The following LIN9 variants were observed in gnomAD, a reference collection of about 807,000 sequenced individuals.
The protein encoded by LIN9 is protein lin-9 homolog.
LIN9 carries 18 observed loss-of-function variants against 78.0 expected under a neutral mutation model. That is an observed-to-expected ratio of 0.23 (90% CI 0.16 to 0.34). The LOEUF (loss-of-function observed/expected upper bound fraction) is 0.34, where lower values mean the gene tolerates loss of function less well. LIN9 is among the 10% of genes least tolerant of loss of function. The pLI is 1.00. For missense variants in LIN9, 451 were observed against 644.1 expected, an observed-to-expected ratio of 0.70 and a Z score of 3.25; for synonymous variants, 192 against 215.2, an observed-to-expected ratio of 0.89 and a Z score of 0.94.
Position 226,242,878 on chromosome 1 carries a change from T to C in LIN9, c.1120-3782A>G, listed in dbSNP as rs1658204495. Among the ~76,000 whole-genome samples, 4 of 141,948 alleles carry C rather than the reference T, an allele frequency of 2.8e-5. No individual in the cohort carries two copies. The Admixed American group carries it at 3.0e-4, about 10-fold the overall frequency. 93.1% of individuals were successfully genotyped at this position (141,948 alleles called of 152,430 possible). ...TGATCTACTCCCGCTTAATGAATAA[T>C]GAATATGTTTTCTTTACCTTATGAT... On this transcript the variant is annotated intron_variant, in intron 11 of 14. Transcript: ENST00000681046.
At chr1:226,309,761 C>T (rs1663186197), upstream of LIN9, 4 of 1,287,496 alleles carry the variant, frequency 3.1e-6, no homozygotes, top group Non-Finnish European at 4.1e-6. Context: ...GCACGCCTTT[C>T]CCGAATGTTG....
chr1:226,254,571 G>A (rs921797448), intron 10 of LIN9, among the ~76,000 whole-genome samples: 1 of 152,068 alleles, frequency 6.6e-6, no homozygotes, highest in Non-Finnish European at 1.5e-5. Flanking sequence ...CTGGGAAGGT[G>A]CTACTCCATC....
chr1:226,286,023 A>T (rs186905743), intron 6 of LIN9, among the ~76,000 whole-genome samples: 1 of 152,352 alleles, frequency 6.6e-6, no homozygotes, highest in East Asian at 1.9e-4. Context: ...ACATATAATC[A>T]ATTATTCTGA....
At chr1:226,283,734 G>A (rs1194929323) in intron 6 of LIN9, among the ~76,000 whole-genome samples, 3 of 152,150 alleles carry the variant, frequency 2.0e-5, no homozygotes, top group Non-Finnish European at 4.4e-5. Flanking sequence ...GATTGCCTGA[G>A]GTCAGATGTT....
At chr1:226,233,599 T>C in intron 12 of LIN9, 76 bp from the exon 13 acceptor site, 1 of 1,111,084 alleles carries the variant, frequency 9.0e-7, no homozygotes. Flanking sequence ...TGTGCCCTCT[T>C]TTCAGATTTT....
chr1:226,289,985 C>G (rs1661649106), intron 4 of LIN9, among the ~76,000 whole-genome samples: 1 of 151,876 alleles, frequency 6.6e-6, no homozygotes, highest in Non-Finnish European at 1.5e-5. Context: ...TAGAAAAGGT[C>G]TTTCTGAGCA....
chr1:226,307,617 T>C (rs531387995), intron 1 of LIN9, among the ~76,000 whole-genome samples: 2 of 152,284 alleles, frequency 1.3e-5, no homozygotes, highest in South Asian at 4.1e-4. Flanking sequence ...GCCTGGGCAA[T>C]GAGTGAAACT....
intron 6 of LIN9, among the ~76,000 whole-genome samples, chr1:226,279,461 C>A (rs376451760): frequency 2.5e-4 from 37 of 150,956 alleles, no homozygotes; most frequent in African/African-American, 8.8e-4. Flanking sequence ...GAGACTGTTC[C>A]CCACCCACCC....
chr1:226,253,828 T>C (rs193249304), intron 10 of LIN9, among the ~76,000 whole-genome samples: 1 of 151,806 alleles, frequency 6.6e-6, no homozygotes, highest in Admixed American at 6.5e-5. Flanking sequence ...GGCAGGAGAA[T>C]CACATGAACC....
intron 6 of LIN9, among the ~76,000 whole-genome samples, chr1:226,283,096 C>T (rs1490458042): frequency 6.6e-6 from 1 of 151,894 alleles, no homozygotes; most frequent in Non-Finnish European, 1.5e-5. Flanking sequence ...GCTAGGATCA[C>T]AGTCATGTGT....
intron 4 of LIN9, among the ~76,000 whole-genome samples, chr1:226,289,401 C>T (rs1029800012): frequency 6.6e-6 from 1 of 152,010 alleles, no homozygotes; most frequent in African/African-American, 2.4e-5. Flanking sequence ...CTCTCTCTGT[C>T]ACTTAGGCTG....
intron 10 of LIN9, among the ~76,000 whole-genome samples, chr1:226,253,649 CTCACGCCTGTAA>C (rs1274930676): frequency 1.3e-5 from 2 of 151,856 alleles, no homozygotes; most frequent in Non-Finnish European, 2.9e-5. Flanking sequence ...GGTACGGTGG[CTCACGCCTGTAA>C]TCCCAGCACT....
chr1:226,291,468 A>G (rs970612308), intron 4 of LIN9, among the ~76,000 whole-genome samples: 1 of 152,092 alleles, frequency 6.6e-6, no homozygotes, highest in African/African-American at 2.4e-5. Flanking sequence ...AAAAATATAT[A>G]TACATTTAAC....
intron 6 of LIN9, among the ~76,000 whole-genome samples, chr1:226,282,037 CA>C (rs372409667): frequency 1.8e-4 from 28 of 152,242 alleles, no homozygotes; most frequent in African/African-American, 6.7e-4. Context: ...TAGACATATA[CA>C]ATCAAAAAAT....
chr1:226,250,674 C>T (rs1449619138), intron 11 of LIN9, among the ~76,000 whole-genome samples, 165 bp downstream of exon 11: 2 of 152,046 alleles, frequency 1.3e-5, no homozygotes, highest in Admixed American at 1.3e-4. Flanking sequence ...CTTCAGCCTC[C>T]CAAGAAGGTG....
chr1:226,237,175 C>T (rs532126498), intron 12 of LIN9, among the ~76,000 whole-genome samples: 6 of 152,250 alleles, frequency 3.9e-5, no homozygotes, highest in Non-Finnish European at 7.4e-5. Flanking sequence ...ATGAGCAACC[C>T]GTTTCTGCAT....
intron 8 of LIN9, among the ~76,000 whole-genome samples, chr1:226,266,577 A>C (rs1035186398): frequency 6.6e-6 from 1 of 151,254 alleles, no homozygotes; most frequent in Admixed American, 6.6e-5. Flanking sequence ...AGAAGAAAAA[A>C]AGAAATAAAA....
intron 4 of LIN9, among the ~76,000 whole-genome samples, chr1:226,290,825 C>T (rs1182752260): frequency 6.6e-6 from 1 of 152,040 alleles, no homozygotes; most frequent in East Asian, 1.9e-4. Flanking sequence ...GACACGATCG[C>T]GGCTCACTGC....
intron 4 of LIN9, among the ~76,000 whole-genome samples, chr1:226,290,867 A>C: frequency 6.7e-6 from 1 of 148,436 alleles, no homozygotes; most frequent in African/African-American, 2.5e-5. Flanking sequence ...ACCTATTCTC[A>C]TGCCTCAGCC....
Sources: allele counts gnomAD v4.1 joint callset (sites outside exome capture counted in the v4.1 genomes callset), GRCh38; gene constraint gnomAD v4.1.1; transcripts MANE v1.5; gene names NCBI Gene and HGNC (gene_info 2026-07-23, HGNC 2026-07-21).